HEATR4: variants seen among roughly 807,000 people sequenced by gnomAD.
HEATR4 encodes the protein HEAT repeat-containing protein 4.
Under a neutral mutation model 108.8 loss-of-function variants are expected in HEATR4, and 95 were observed. That is an observed-to-expected ratio of 0.87 (90% CI 0.74 to 1.04). The LOEUF is 1.04. Ranked by LOEUF, HEATR4 falls within the 50% of genes least tolerant of loss-of-function variation. HEATR4 has a pLI of 0.00. For missense variants in HEATR4, 1,152 were observed against 1,253.8 expected, an observed-to-expected ratio of 0.92 and a Z score of 1.23; for synonymous variants, 443 against 459.4, an observed-to-expected ratio of 0.96 and a Z score of 0.46.
At chr14:73,613,912 G>A in the HEATR4 span, among the ~76,000 whole-genome samples, 107 of 151,634 alleles carry the variant, frequency 7.1e-4, no homozygotes, top group African/African-American at 1.6e-3. Context: ...ATGATGAGCC[G>A]GGCACAGTGG....
At chr14:73,493,200 T>A in intron 16 of HEATR4, 76 bp from the exon 17 acceptor site, 1 of 1,143,574 alleles carries the variant, frequency 8.7e-7, no homozygotes, top group Admixed American at 1.8e-5. Flanking sequence ...GAGCACCAAC[T>A]TCATCACCTT....
upstream of HEATR4, among the ~76,000 whole-genome samples, chr14:73,560,479 G>C (rs948241789): frequency 6.6e-5 from 10 of 151,768 alleles, no homozygotes; most frequent in Admixed American, 2.6e-4. Context: ...TGGGTAACAC[G>C]GTGAAACCCC....
chr14:73,603,741 CT>C, the HEATR4 span, among the ~76,000 whole-genome samples: 166 of 112,968 alleles, frequency 1.5e-3, no homozygotes, highest in East Asian at 2.2e-3. Flanking sequence ...CTTTTCTTTT[CT>C]TTTTTTTTTT....
chr14:73,561,267 G>A (rs566551122), upstream of HEATR4, among the ~76,000 whole-genome samples: 15 of 152,002 alleles, frequency 9.9e-5, 1 homozygote, highest in South Asian at 1.2e-3. Context: ...TCAGGAGACC[G>A]AGGCAGGAGA....
At chr14:73,581,389 A>G in the HEATR4 span, 2 of 151,822 alleles carry the variant, frequency 1.3e-5, no homozygotes, top group Non-Finnish European at 2.9e-5. Context: ...AAGGGCACCA[A>G]TCCCATTAAT....
Position 73,530,586 on chromosome 14 carries a change from C to T in HEATR4, c.-151-342G>A, listed in dbSNP as rs1386409610. 2 of 122,108 alleles carry T rather than the reference C, an allele frequency of 1.6e-5. 1 individual carries two copies. The highest frequency in any genetic ancestry group is 3.6e-5 in the Non-Finnish European group (2 of 55,648). The allele number at this position is 122,108 out of a possible 1,614,324, so 7.6% of individuals were successfully genotyped here. ...ACTCACACAGCTATACAGCTGTCTC[C>T]AGAGATTACTCTGGAAACTCTGCTA... On this transcript the variant is annotated intron_variant, in intron 1 of 17. Transcript: ENST00000553558.
the HEATR4 span, chr14:73,619,701 T>C: frequency 1.2e-6 from 2 of 1,614,204 alleles, no homozygotes; most frequent in Non-Finnish European, 1.7e-6. Context: ...CTGTGCACGC[T>C]GTTTTGGGTG....
the HEATR4 span, chr14:73,575,527 A>C: frequency 9.3e-6 from 14 of 1,501,302 alleles, no homozygotes; most frequent in Admixed American, 3.2e-4. Context: ...TTATTTGATC[A>C]TGTGGCCTCT....
rs367571743 is a variant in HEATR4 at position 73,545,127 on chromosome 14, C to T, written c.-152+13624G>A. Among the ~76,000 whole-genome samples, 2 of 103,936 alleles carry T rather than the reference C, an allele frequency of 1.9e-5. 1 individual carries two copies. The highest frequency in any genetic ancestry group is 4.1e-5 in the Non-Finnish European group (2 of 48,838). The allele number at this position is 103,936 out of a possible 152,430, so 68.2% of individuals were successfully genotyped here. On this transcript the variant is annotated intron_variant, in intron 1 of 17. Coordinates refer to ENST00000553558, the MANE Select transcript of HEATR4 (RefSeq NM_001220484.1). The stretch of plus-strand genomic sequence containing the variant: ...AGGCTGGAGTGCAGTGGCACAGTCA[C>T]GGCTCACTGCAGCCTCAACCTCGTA...
chr14:73,524,306 A>ATATATATATATAT (rs1195056520), intron 2 of HEATR4, among the ~76,000 whole-genome samples: 9 of 90,982 alleles, frequency 9.9e-5, no homozygotes, highest in African/African-American at 3.4e-4. Context: ...AAAAAAAAAA[A>ATATATATATATAT]AAAAATATAT....
the HEATR4 span, chr14:73,595,049 G>C: frequency 6.2e-7 from 1 of 1,612,816 alleles, no homozygotes; most frequent in South Asian, 1.1e-5. Flanking sequence ...TTTCTTCCAG[G>C]TAAAAGGCCC....
At chr14:73,577,976 A>T in the HEATR4 span, among the ~76,000 whole-genome samples, 1 of 151,602 alleles carries the variant, frequency 6.6e-6, no homozygotes, top group South Asian at 2.1e-4. Flanking sequence ...TCAGCCTCCC[A>T]AGTAGCTGGG....
rs1886551536 is a variant in HEATR4 at position 73,502,755 on chromosome 14, G to T, written c.2105+140C>A. The T allele has an allele frequency of 4.3e-6, 3 of 690,300 alleles. No homozygotes were observed. The East Asian group carries it at 7.5e-5, about 17-fold the overall frequency. 42.8% of individuals were successfully genotyped at this position (690,300 alleles called of 1,614,324 possible). ...GTAAAGACAGGGTTTTACTGTGTTA[G>T]CCAGGATGGTCTCGATCTCCTGACC... On this transcript the variant is annotated intron_variant, in intron 11 of 17. Transcript: ENST00000553558.
rs965293989 is a variant in HEATR4, at chr14:73,520,646, G to A, written c.1069+206C>T. 16 of 499,186 alleles carry A rather than the reference G, an allele frequency of 3.2e-5. No individual in the cohort carries two copies. In the Admixed American group the frequency reaches 3.5e-4, roughly 11 times the overall value. The allele number at this position is 499,186 out of a possible 1,614,324, so 30.9% of individuals were successfully genotyped here. On this transcript the variant is annotated intron_variant, in intron 4 of 17. Transcript: ENST00000553558. ...AGTAAGATAGAGGGATAGAGAAAGC[G>A]GGGAGAGAGAGCAGTTCCCTCCCTA...
the HEATR4 span, chr14:73,612,838 C>T: frequency 1.4e-6 from 2 of 1,428,548 alleles, no homozygotes; most frequent in Non-Finnish European, 1.9e-6. Flanking sequence ...CCGAGAAAGC[C>T]TTGGTGCGGC....
chr14:73,561,587 T>C (rs111432373), upstream of HEATR4, among the ~76,000 whole-genome samples: 1 of 151,292 alleles, frequency 6.6e-6, no homozygotes, highest in Non-Finnish European at 1.5e-5. Flanking sequence ...CTGGGGAGGC[T>C]GAGGCAGGAA....
At chr14:73,601,945 TATTTC>T in the HEATR4 span, among the ~76,000 whole-genome samples, 2 of 151,932 alleles carry the variant, frequency 1.3e-5, no homozygotes, top group Admixed American at 6.6e-5. Flanking sequence ...TTTTTAATCT[TATTTC>T]ATTTTTTTGA....
intron 10 of HEATR4, among the ~76,000 whole-genome samples, chr14:73,505,164 G>A (rs951165412): frequency 3.3e-5 from 5 of 151,960 alleles, no homozygotes; most frequent in Admixed American, 6.6e-5. Context: ...TGATCCACCC[G>A]CCTCAGCCTC....
In HEATR4 at chr14:73,478,762, T is replaced by C. The variant is rs1392613573; in HGVS notation, c.2925A>G (p.Ser975=). The C allele has an allele frequency of 6.2e-7, 1 of 1,613,752 alleles. No individual in the cohort carries two copies. Among genetic ancestry groups the C allele is most frequent in the Non-Finnish European group, 8.5e-7 (1 of 1,179,954 alleles). Residue 975 remains serine, a synonymous_variant, in exon 18 of 18, where the codon TCA becomes TCG. Coordinates refer to ENST00000553558, the MANE Select transcript of HEATR4 (RefSeq NM_001220484.1). ...GLTTRSKVRS[S]LVKDLRTSPE... The stretch of plus-strand genomic sequence containing the variant: ...GGGAGGTGCGTAGATCTTTGACAAG[T>C]GATGAACGAACTTTGCTTCGTGTGG...
Sources: gnomAD v4.1 joint callset for allele counts (sites outside exome capture counted in the v4.1 genomes callset) on GRCh38, gnomAD v4.1.1 for gene constraint, MANE v1.5 for transcripts, NCBI Gene and HGNC (gene_info 2026-07-23, HGNC 2026-07-21) for gene names.